VEZT: variants seen among roughly 807,000 people sequenced by gnomAD.
VEZT encodes the protein vezatin, adherens junctions transmembrane protein.
Under a neutral mutation model 79.9 loss-of-function variants are expected in VEZT, and 39 were observed. That is an observed-to-expected ratio of 0.49 (90% CI 0.38 to 0.64). The LOEUF is 0.64. Among genes scored for constraint, VEZT ranks in the 30% least tolerant of loss-of-function variants. The probability of loss-of-function intolerance (pLI) is 0.00; values close to 1 mark genes in which losing one functional copy is unlikely to be tolerated. For missense variants in VEZT, 837 were observed against 893.1 expected (o/e 0.94, Z 0.80); for synonymous variants, 325 against 327.6 (o/e 0.99, Z 0.09).
intron 5 of VEZT, among the ~76,000 whole-genome samples, chr12:95,268,757 T>C (rs2066038083): frequency 6.6e-6 from 1 of 152,198 alleles, no homozygotes; most frequent in South Asian, 2.1e-4. Flanking sequence ...TGTGCTTCCT[T>C]TGTCTCTATC....
chr12:95,264,088 A>T (rs935648742), intron 4 of VEZT, among the ~76,000 whole-genome samples: 2 of 152,380 alleles, frequency 1.3e-5, no homozygotes, highest in African/African-American at 2.4e-5. Context: ...TGTTCAAGTT[A>T]TATAGGCAGT....
intron 1 of VEZT, among the ~76,000 whole-genome samples, chr12:95,237,629 A>ATTTTG (rs2060375930): frequency 6.6e-6 from 1 of 151,974 alleles, no homozygotes; most frequent in South Asian, 2.1e-4. Context: ...CTGGAATATT[A>ATTTTG]TTTTGTTTTG....
chr12:95,229,706 T>A (rs7308542), intron 1 of VEZT, among the ~76,000 whole-genome samples: 2 of 152,032 alleles, frequency 1.3e-5, no homozygotes, highest in African/African-American at 4.8e-5. Context: ...CCAGGTGTTC[T>A]CTGAGTTCCT....
At chr12:95,269,498 A>G (rs2066188461) in intron 5 of VEZT, among the ~76,000 whole-genome samples, 1 of 152,186 alleles carries the variant, frequency 6.6e-6, no homozygotes, top group Admixed American at 6.5e-5. Flanking sequence ...CCCTACTTTT[A>G]TGAATGTACA....
intron 6 of VEZT, among the ~76,000 whole-genome samples, chr12:95,273,071 C>G (rs958679946): frequency 1.3e-5 from 2 of 152,012 alleles, no homozygotes; most frequent in African/African-American, 4.8e-5. Flanking sequence ...CAAAACTGAC[C>G]TAGGAAGAAT....
At chr12:95,233,440 C>T (rs2059559931) in intron 1 of VEZT, among the ~76,000 whole-genome samples, 2 of 152,016 alleles carry the variant, frequency 1.3e-5, no homozygotes, top group East Asian at 1.9e-4. Flanking sequence ...CACTCTCTTG[C>T]CGAGGCTGGA....
intron 1 of VEZT, among the ~76,000 whole-genome samples, chr12:95,225,944 A>G (rs1190262140): frequency 6.6e-6 from 1 of 151,890 alleles, no homozygotes; most frequent in Non-Finnish European, 1.5e-5. Flanking sequence ...TATTTTAAAG[A>G]ATTAGCTGGG....
In VEZT at chr12:95,300,772, TA is replaced by T. The variant is rs1265937302; in HGVS notation, c.*102del. 16 of 1,394,374 alleles carry T rather than the reference TA, an allele frequency of 1.1e-5. No individual in the cohort carries two copies. The highest frequency in any genetic ancestry group is 1.3e-5 in the Non-Finnish European group (14 of 1,074,482). 86.4% of individuals were successfully genotyped at this position (1,394,374 alleles called of 1,614,324 possible). A position where few individuals can be genotyped will look rare whatever the true frequency, so the allele number is the denominator to read the frequency against. Reference sequence around the variant, plus strand: ...AATATGAGTGTAAGTTTACTATATATAAAGCTAAGATGTGGATTTACAGGAA... The same window carrying T: ...AATATGAGTGTAAGTTTACTATATATAAGCTAAGATGTGGATTTACAGGAA... On this transcript the variant is annotated 3_prime_UTR_variant, in exon 12 of 12. Transcript: ENST00000436874.
chr12:95,281,940 AT>A (rs1031725474), intron 7 of VEZT, among the ~76,000 whole-genome samples: 40 of 151,330 alleles, frequency 2.6e-4, no homozygotes, highest in Non-Finnish European at 5.2e-4. Flanking sequence ...AGAGAAAAAA[AT>A]ATATATATAT....
intron 4 of VEZT, among the ~76,000 whole-genome samples, chr12:95,265,243 T>C (rs1046235634): frequency 6.6e-6 from 1 of 152,032 alleles, no homozygotes; most frequent in African/African-American, 2.4e-5. Context: ...TTGCAATTGA[T>C]ATGAATTTTA....
chr12:95,282,207 A>T (rs1231827298), intron 7 of VEZT, 106 bp from the exon 8 acceptor site: 5 of 1,005,644 alleles, frequency 5.0e-6, no homozygotes, highest in African/African-American at 1.6e-5. Context: ...TATTTAGGAT[A>T]AAGTGCAAAA....
At chr12:95,247,715 A>G (rs1414558675) in intron 1 of VEZT, among the ~76,000 whole-genome samples, 1 of 152,162 alleles carries the variant, frequency 6.6e-6, no homozygotes, top group Non-Finnish European at 1.5e-5. Context: ...TCTGAGATCT[A>G]TTAAATAATA....
intron 3 of VEZT, 42 bp from the exon 4 acceptor site, chr12:95,262,864 A>G (rs768861334): frequency 6.8e-7 from 1 of 1,471,054 alleles, no homozygotes; most frequent in South Asian, 1.5e-5. Context: ...ATGCAATATT[A>G]TATATGTGTT....
At chr12:95,287,375 A>G (rs758745554) in intron 8 of VEZT, among the ~76,000 whole-genome samples, 34 of 151,800 alleles carry the variant, frequency 2.2e-4, no homozygotes, top group Non-Finnish European at 4.0e-4. Flanking sequence ...GCTGAAGTGC[A>G]GTGGCGCTAT....
chr12:95,292,587 C>T (rs1262038847), intron 9 of VEZT, among the ~76,000 whole-genome samples: 1 of 144,014 alleles, frequency 6.9e-6, no homozygotes, highest in South Asian at 2.2e-4. Flanking sequence ...CGCACTCTGT[C>T]GCCCAGGCTG....
rs1213687808 is a variant in VEZT at position 95,270,074 on chromosome 12, A to C, written c.734A>C (p.Asn245Thr). 1 of 1,611,472 alleles carries C rather than the reference A, an allele frequency of 6.2e-7. No homozygotes were observed. The highest frequency in any genetic ancestry group is 2.2e-5 in the East Asian group (1 of 44,836). Residue 245 changes from asparagine (N) to threonine (T), a missense_variant, in exon 6 of 12, where the codon AAT becomes ACT. Asn to Thr is a moderately conservative substitution (Grantham distance 65). Coordinates refer to ENST00000436874, the MANE Select transcript of VEZT (RefSeq NM_017599.4). Reference sequence around the variant, plus strand: ...AGGGTCAGTGCTGCTTGCCCATTTAATAAAGCTGGACAGCATCCAAGTCAG... The same window carrying C: ...AGGGTCAGTGCTGCTTGCCCATTTACTAAAGCTGGACAGCATCCAAGTCAG... ...FTLVSAACPFNKAGQHPSQHL... is the reference protein window; with the variant it reads ...FTLVSAACPFTKAGQHPSQHL...
At chr12:95,294,078 G>C (rs55666888) in intron 9 of VEZT, 194 bp from the exon 10 acceptor site, 1 of 476,804 alleles carries the variant, frequency 2.1e-6, no homozygotes, top group Non-Finnish European at 3.8e-6. Flanking sequence ...TTTTTGTAGC[G>C]ACAGAGTCTT....
intron 7 of VEZT, among the ~76,000 whole-genome samples, chr12:95,280,501 C>T (rs907249241): frequency 1.5e-5 from 2 of 135,332 alleles, no homozygotes; most frequent in African/African-American, 5.6e-5. Flanking sequence ...CACACACACA[C>T]TATTCCCCCC....
At chr12:95,225,783 AAAAAAAAAAAGAG>A (rs2058369757) in intron 1 of VEZT, among the ~76,000 whole-genome samples, 3 of 112,308 alleles carry the variant, frequency 2.7e-5, no homozygotes, top group African/African-American at 3.7e-5. Flanking sequence ...AAAAAAAAAA[AAAAAAAAAAAGAG>A]AGAGAAGGAT....
Sources: allele counts gnomAD v4.1 joint callset (sites outside exome capture counted in the v4.1 genomes callset), GRCh38; gene constraint gnomAD v4.1.1; transcripts MANE v1.5; gene names NCBI Gene and HGNC (gene_info 2026-07-23, HGNC 2026-07-21).